Variants in AGBL4 observed in about 807,000 individuals in gnomAD.
The protein encoded by AGBL4 is cytosolic carboxypeptidase 6.
A neutral mutation model predicts 66.4 loss-of-function variants in AGBL4; 58 were observed. That is an observed-to-expected ratio of 0.87 (90% CI 0.71 to 1.09). The LOEUF is 1.09. Among genes scored for constraint, AGBL4 ranks in the 50% least tolerant of loss-of-function variants. AGBL4 has a pLI of 0.00. For synonymous variants in AGBL4, 234 were observed against 222.9 expected (o/e 1.05, Z -0.44); for missense variants, 579 against 631.0 (o/e 0.92, Z 0.88).
intron 2 of AGBL4, among the ~76,000 whole-genome samples, chr1:49,830,248 T>C (rs920978459): frequency 1.3e-5 from 2 of 152,184 alleles, no homozygotes; most frequent in African/African-American, 4.8e-5. Context: ...GTAAAAGTGT[T>C]CCTATTTCTC....
intron 5 of AGBL4, among the ~76,000 whole-genome samples, chr1:49,032,142 C>A (rs1269379928): frequency 2.6e-5 from 4 of 152,088 alleles, no homozygotes; most frequent in Non-Finnish European, 5.9e-5. Flanking sequence ...TGTGGGTAGA[C>A]CATAGGCAGC....
At position 48,639,945 on chromosome 1, in the gene AGBL4, A is replaced by T. The variant is rs115643048; in HGVS notation, c.840-5341T>A. Among the ~76,000 whole-genome samples the T allele has an allele frequency of 7.9e-3, 1,202 of 152,308 alleles. 11 individuals carry two copies. The highest frequency in any genetic ancestry group is 0.01 in the Admixed American group (158 of 15,302). The stretch of plus-strand genomic sequence containing the variant: ...AAAAGCAGCTGCCTAAAGACAGAGG[A>T]ACGCATAAGATGGCCTCCAGATGCC... On this transcript the variant is annotated intron_variant, in intron 8 of 13. Transcript: ENST00000371839.
intron 3 of AGBL4, among the ~76,000 whole-genome samples, chr1:49,437,909 TTTAC>T (rs1331644817): frequency 6.6e-6 from 1 of 152,182 alleles, no homozygotes; most frequent in Non-Finnish European, 1.5e-5. Context: ...ATATCTTATA[TTTAC>T]TTACTGTTTC....
intron 6 of AGBL4, among the ~76,000 whole-genome samples, chr1:48,853,443 A>C (rs1221446199): frequency 1.3e-5 from 2 of 152,236 alleles, no homozygotes; most frequent in Non-Finnish European, 2.9e-5. Context: ...GCAGCAATGT[A>C]ATCACAGTAA....
chr1:48,587,245 TG>T (rs1455347134), intron 10 of AGBL4, 79 bp from the exon 11 acceptor site: 11 of 1,415,184 alleles, frequency 7.8e-6, no homozygotes, highest in Non-Finnish European at 9.5e-6. Context: ...ACAACACCTC[TG>T]GGTCTCAGCT....
chr1:49,504,101 C>T (rs541269846), intron 3 of AGBL4, among the ~76,000 whole-genome samples: 15 of 152,116 alleles, frequency 9.9e-5, no homozygotes, highest in East Asian at 1.9e-4. Context: ...ATTATGGGGG[C>T]GGTTTCCCCC....
chr1:48,949,838 A>C (rs1656818585), intron 5 of AGBL4, among the ~76,000 whole-genome samples: 1 of 152,292 alleles, frequency 6.6e-6, no homozygotes, highest in Admixed American at 6.5e-5. Flanking sequence ...CAGAGTTTTG[A>C]TTACTGTCTG....
intron 4 of AGBL4, among the ~76,000 whole-genome samples, chr1:49,189,194 C>A (rs1015048832): frequency 6.6e-6 from 1 of 152,166 alleles, no homozygotes; most frequent in Admixed American, 6.6e-5. Flanking sequence ...CATAGTCTGG[C>A]AAACTGGACC....
At chr1:49,128,862 T>A (rs866053572) in intron 4 of AGBL4, among the ~76,000 whole-genome samples, 2 of 151,896 alleles carry the variant, frequency 1.3e-5, no homozygotes, top group African/African-American at 4.8e-5. Flanking sequence ...GATAATATGA[T>A]AAAAATGGAC....
chr1:49,092,020 G>A (rs937833512), intron 4 of AGBL4, among the ~76,000 whole-genome samples: 1 of 151,978 alleles, frequency 6.6e-6, no homozygotes, highest in African/African-American at 2.4e-5. Context: ...ACAGACACTG[G>A]GGCCTACTTG....
intron 3 of AGBL4, among the ~76,000 whole-genome samples, chr1:49,573,126 G>A (rs1029368602): frequency 2.8e-5 from 4 of 143,786 alleles, no homozygotes; most frequent in East Asian, 2.0e-4. Context: ...ATATATATAT[G>A]TGTGTCTGTG....
chr1:48,805,789 C>A (rs1286303051), intron 6 of AGBL4, among the ~76,000 whole-genome samples: 1 of 152,130 alleles, frequency 6.6e-6, no homozygotes, highest in Non-Finnish European at 1.5e-5. Flanking sequence ...TCTATGACCC[C>A]CTCTCTCAGC....
chr1:49,544,427 T>C (rs1652316199), intron 3 of AGBL4, among the ~76,000 whole-genome samples: 1 of 152,220 alleles, frequency 6.6e-6, no homozygotes, highest in African/African-American at 2.4e-5. Flanking sequence ...CTTTTGTATA[T>C]TCTTCTGTTA....
chr1:49,470,850 A>G (rs757530692), intron 3 of AGBL4, among the ~76,000 whole-genome samples: 2 of 152,068 alleles, frequency 1.3e-5, no homozygotes. Flanking sequence ...TTGCTCTGCA[A>G]GGAGCAATAC....
chr1:49,205,349 AT>A (rs1274713264), intron 4 of AGBL4, among the ~76,000 whole-genome samples: 1 of 151,904 alleles, frequency 6.6e-6, no homozygotes, highest in East Asian at 1.9e-4. Flanking sequence ...CCATCCATCT[AT>A]TTTTAGCTGC....
At chr1:49,270,338 A>G (rs921856151) in intron 3 of AGBL4, among the ~76,000 whole-genome samples, 7 of 152,148 alleles carry the variant, frequency 4.6e-5, no homozygotes, top group Non-Finnish European at 7.3e-5. Flanking sequence ...GGTTTCCACC[A>G]TCGGGGGGAC....
At position 49,546,336 on chromosome 1, in the gene AGBL4, CATATGTAT is replaced by C. The variant is rs1372042393; in HGVS notation, c.282+150969_282+150976del. Among the ~76,000 whole-genome samples the C allele has an allele frequency of 3.3e-5, 5 of 149,868 alleles. No homozygotes were observed. The East Asian group carries it at 7.8e-4, about 23-fold the overall frequency. ...ATGTATATTCCATCATATATATTTACATATGTATATATGTATATATATATTCCATCATT... is the reference window on the plus strand; with the variant it reads ...ATGTATATTCCATCATATATATTTACATATGTATATATATATTCCATCATT... On this transcript the variant is annotated intron_variant, in intron 3 of 13. Coordinates refer to ENST00000371839, the MANE Select transcript of AGBL4 (RefSeq NM_032785.4).
chr1:49,591,356 A>G (rs1644748354), intron 3 of AGBL4, among the ~76,000 whole-genome samples: 1 of 152,100 alleles, frequency 6.6e-6, no homozygotes, highest in African/African-American at 2.4e-5. Flanking sequence ...ACAAAAATTA[A>G]AGGAATTGTA....
intron 1 of AGBL4, among the ~76,000 whole-genome samples, chr1:50,007,543 G>T (rs560766778): frequency 1.1e-3 from 161 of 152,226 alleles, no homozygotes; most frequent in Admixed American, 2.4e-3. Context: ...AGGGAGGATT[G>T]GTTGAGCCCA....
Sources: allele counts gnomAD v4.1 joint callset (sites outside exome capture counted in the v4.1 genomes callset), GRCh38; gene constraint gnomAD v4.1.1; transcripts MANE v1.5; gene names NCBI Gene and HGNC (gene_info 2026-07-23, HGNC 2026-07-21).